The following KIF9 variants were observed in gnomAD, a reference collection of about 807,000 sequenced individuals.
KIF9 encodes kinesin family member 9.
Under a neutral mutation model 94.8 loss-of-function variants are expected in KIF9, and 68 were observed. That is an observed-to-expected ratio of 0.72 (90% CI 0.59 to 0.88). The LOEUF (loss-of-function observed/expected upper bound fraction) is 0.88, where lower values mean the gene tolerates loss of function less well. KIF9 is among the 40% of genes least tolerant of loss of function. The probability of loss-of-function intolerance (pLI) is 0.00; values close to 1 mark genes in which losing one functional copy is unlikely to be tolerated. For missense variants in KIF9, 882 were observed against 982.5 expected, an observed-to-expected ratio of 0.90 and a Z score of 1.37; for synonymous variants, 343 against 362.1, an observed-to-expected ratio of 0.95 and a Z score of 0.60.
chr3:47,242,997 G>T, intron 16 of KIF9, 54 bp downstream of exon 16: 1 of 1,400,126 alleles, frequency 7.1e-7, no homozygotes. Context: ...CACATGTTGA[G>T]GATCACATAT....
intron 19 of KIF9, 145 bp from the exon 20 acceptor site, chr3:47,235,762 C>A: frequency 1.5e-6 from 1 of 683,104 alleles, no homozygotes. Context: ...CCCTCCAGCC[C>A]CCATGTCTGT....
chr3:47,273,717 CCT>C, intron 3 of KIF9, 59 bp from the exon 4 acceptor site: 1 of 1,453,120 alleles, frequency 6.9e-7, no homozygotes. Flanking sequence ...ATAACTCTCC[CCT>C]CTCCCAGCAT....
In KIF9 at chr3:47,236,461, G is replaced by A. The variant is rs752628802; in HGVS notation, c.2083C>T (p.Arg695Cys). 10 of 1,613,104 alleles carry A rather than the reference G, an allele frequency of 6.2e-6. No individual in the cohort carries two copies. The highest frequency in any genetic ancestry group is 1.7e-5 in the Admixed American group (1 of 59,988). ...QYCQHLVDQCRHRLLMEFDIW... is the reference protein window; with the variant it reads ...QYCQHLVDQCCHRLLMEFDIW... The stretch of plus-strand genomic sequence containing the variant: ...GTCGCACCCATGAGCAGGCGGTGGC[G>A]ACACTGATCCACTAGGTGCTGGCAA... The change falls in exon 18 of 21, where the codon CGC becomes TGC. Residue 695 changes from arginine (R) to cysteine (C), a missense_variant. Transcript: ENST00000684063.
chr3:47,276,552 T>C (rs1701980765), intron 2 of KIF9, among the ~76,000 whole-genome samples: 2 of 135,276 alleles, frequency 1.5e-5, no homozygotes. Context: ...TGGGACTCTG[T>C]CTCAAAAAAA....
In KIF9 at chr3:47,280,542, C is replaced by T. The variant is rs1702262660; in HGVS notation, c.-6+1953G>A. On this transcript the variant is annotated intron_variant, in intron 1 of 20. Transcript: ENST00000684063. ...GTAACACAGCAAGACCTTGTCTCTA[C>T]AAAAAATTTTAAAAATTTGCCAAGT... 2.6e-5 allele frequency among the ~76,000 whole-genome samples: 4 copies of T among 152,174 alleles called. No homozygotes were observed. In the South Asian group the frequency reaches 6.2e-4, roughly 24 times the overall value.
intron 9 of KIF9, chr3:47,263,948 T>C (rs1427566446): frequency 4.2e-6 from 2 of 479,964 alleles, no homozygotes; most frequent in Non-Finnish European, 8.3e-6. Context: ...AAAGAACAAG[T>C]CACCAACGAT....
rs1701892534 is a variant in KIF9 at position 47,275,331 on chromosome 3, A to G, written c.253T>C (p.Tyr85His). The G allele has an allele frequency of 6.2e-7, 1 of 1,607,692 alleles. No individual in the cohort carries two copies. Among genetic ancestry groups the G allele is most frequent in the African/African-American group, 1.3e-5 (1 of 74,530 alleles). Residue 85 changes from tyrosine to histidine, a missense_variant, in exon 3 of 21, where the codon TAT becomes CAT. Physicochemically the swap from Tyr to His is moderately conservative, Grantham distance 83 (BLOSUM62 2). Transcript: ENST00000684063. ...ATTTAATTAATTAAGTTACCATTATAGCCATCGAGGGCCTGAGAAACCACA... is the reference window on the plus strand; with the variant it reads ...ATTTAATTAATTAAGTTACCATTATGGCCATCGAGGGCCTGAGAAACCACA... The part of the protein sequence containing the change: ...KDVVSQALDG[Y>H]NGTIMCYGQT...
intron 9 of KIF9, chr3:47,263,618 C>G: frequency 3.0e-6 from 1 of 333,956 alleles, no homozygotes. Context: ...CTTATCCTAC[C>G]ACCCATCCTT....
rs1334106693 is a variant in KIF9 at position 47,277,322 on chromosome 3, T to C, written c.53A>G (p.Asp18Gly). Residue 18 changes from aspartate to glycine, a missense_variant, in exon 2 of 21, where the codon GAC (aspartate) becomes GGC (glycine). By Grantham distance (94) the Asp-to-Gly change is moderately conservative. Coordinates refer to ENST00000684063, the MANE Select transcript of KIF9 (RefSeq NM_182902.4). ...GTATCTGATCATTTCATGAGCAAAG[T>C]CATCGGTGGGTTTGACACGGACAAA... Reference protein sequence around the residue: ...HAFVRVKPTDDFAHEMIRYGD... With the variant: ...HAFVRVKPTDGFAHEMIRYGD... 1 of 1,614,090 alleles carries C rather than the reference T, an allele frequency of 6.2e-7. No homozygotes were observed. The highest frequency in any genetic ancestry group is 8.5e-7 in the Non-Finnish European group (1 of 1,179,990).
intron 10 of KIF9, among the ~76,000 whole-genome samples, chr3:47,251,417 A>G (rs1276230200): frequency 6.6e-6 from 1 of 152,088 alleles, no homozygotes; most frequent in Non-Finnish European, 1.5e-5. Context: ...AATAAAAAAT[A>G]GCTGGGTGCG....
intron 5 of KIF9, among the ~76,000 whole-genome samples, chr3:47,268,138 TG>T (rs1701407715): frequency 1.3e-5 from 2 of 152,192 alleles, no homozygotes; most frequent in Non-Finnish European, 2.9e-5. Flanking sequence ...GCTACAGTGC[TG>T]GGATTACAGG....
intron 15 of KIF9, chr3:47,243,617 G>C (rs1699731986): frequency 6.0e-6 from 1 of 167,462 alleles, no homozygotes; most frequent in African/African-American, 2.4e-5. Flanking sequence ...GGGAAGGACT[G>C]GCAGAGCCCC....
At chr3:47,267,563 T>C (rs1332582288) in intron 5 of KIF9, among the ~76,000 whole-genome samples, 1 of 152,228 alleles carries the variant, frequency 6.6e-6, no homozygotes, top group Non-Finnish European at 1.5e-5. Flanking sequence ...TCAACCTGCA[T>C]GTCCAACAAT....
intron 9 of KIF9, 61 bp from the exon 10 acceptor site, chr3:47,257,621 C>G: frequency 6.8e-7 from 1 of 1,471,676 alleles, no homozygotes; most frequent in African/African-American, 1.4e-5. Flanking sequence ...CCCAAGAGAC[C>G]GGCCTTCTCA....
chr3:47,240,956 C>T lies in KIF9; in HGVS notation c.1769G>A (p.Ser590Asn), dbSNP rs1308039771. 2 of 1,614,184 alleles carry T rather than the reference C, an allele frequency of 1.2e-6. No homozygotes were observed. The highest frequency in any genetic ancestry group is 1.7e-5 in the Admixed American group (1 of 60,012). The change falls in exon 17 of 21, where the codon AGT becomes AAT. Residue 590 changes from serine (S) to asparagine (N), a missense_variant. Coordinates refer to ENST00000684063, the MANE Select transcript of KIF9 (RefSeq NM_182902.4). ...AFEEFKNEQG[S>N]EINRIFKENK... ...TTCTTTGAAAATTCGGTTGATCTCACTACCTTGCTCATTCTTAAACTCCTC... is the reference window on the plus strand; with the variant it reads ...TTCTTTGAAAATTCGGTTGATCTCATTACCTTGCTCATTCTTAAACTCCTC...
At chr3:47,282,142 G>C in intron 1 of KIF9, 1 of 970,686 alleles carries the variant, frequency 1.0e-6, no homozygotes, top group Non-Finnish European at 1.2e-6. Context: ...TTCCTCACCT[G>C]TAACACGAAG....
intron 5 of KIF9, among the ~76,000 whole-genome samples, chr3:47,269,987 C>T (rs1364076718): frequency 1.3e-5 from 2 of 151,924 alleles, no homozygotes; most frequent in Non-Finnish European, 2.9e-5. Context: ...CCAGGATGGT[C>T]TCAATCTCCT....
Position 47,244,782 on chromosome 3 carries a change from G to T in KIF9, c.1514+9C>A. The T allele has an allele frequency of 6.2e-7, 1 of 1,613,492 alleles. No individual in the cohort carries two copies. Among genetic ancestry groups the T allele is most frequent in the Non-Finnish European group, 8.5e-7 (1 of 1,179,934 alleles). ...GCTGCTGAGGAGGCAGAGCGGCAAG[G>T]TCACTCACCTGAGTGGCTCTTTGAA... is the stretch of plus-strand genomic sequence containing the variant. On this transcript the variant is annotated intron_variant, in intron 15 of 20. Coordinates refer to ENST00000684063, the MANE Select transcript of KIF9 (RefSeq NM_182902.4).
chr3:47,242,708 G>A (rs1699654895), intron 16 of KIF9, among the ~76,000 whole-genome samples: 1 of 152,218 alleles, frequency 6.6e-6, no homozygotes, highest in Non-Finnish European at 1.5e-5. Flanking sequence ...GAGGGGCTGA[G>A]TGATTTGAGG....
Sources: gnomAD v4.1 joint callset for allele counts (sites outside exome capture counted in the v4.1 genomes callset) on GRCh38, gnomAD v4.1.1 for gene constraint, MANE v1.5 for transcripts, NCBI Gene and HGNC (gene_info 2026-07-23, HGNC 2026-07-21) for gene names.